The following FRMD4A variants were observed in gnomAD, a reference collection of about 807,000 sequenced individuals.
The protein encoded by FRMD4A is FERM domain-containing protein 4A.
In FRMD4A, 29 loss-of-function variants were observed where a neutral mutation model predicts 129.1. That is an observed-to-expected ratio of 0.22 (90% CI 0.17 to 0.31). The LOEUF is 0.31. Among genes scored for constraint, FRMD4A ranks in the 10% least tolerant of loss-of-function variants. The probability of loss-of-function intolerance (pLI) is 1.00; values close to 1 mark genes in which losing one functional copy is unlikely to be tolerated. For missense variants in FRMD4A, 1,272 were observed against 1,375.8 expected (o/e 0.92, Z 1.19); for synonymous variants, 634 against 571.6 (o/e 1.11, Z -1.56).
At chr10:14,024,604 T>C (rs1482386470) in intron 2 of FRMD4A, among the ~76,000 whole-genome samples, 1 of 152,186 alleles carries the variant, frequency 6.6e-6, no homozygotes, top group Middle Eastern at 3.2e-3. Context: ...AGCCAGAAAC[T>C]GTACAAGGAT....
chr10:13,954,501 C>T (rs149719808), intron 2 of FRMD4A, among the ~76,000 whole-genome samples: 57 of 152,318 alleles, frequency 3.7e-4, no homozygotes, highest in Non-Finnish European at 6.2e-4. Context: ...CCGGGTCTCT[C>T]TCATGACACA....
intron 12 of FRMD4A, among the ~76,000 whole-genome samples, chr10:13,721,961 G>A (rs2089449734): frequency 6.6e-6 from 1 of 152,190 alleles, no homozygotes; most frequent in Non-Finnish European, 1.5e-5. Context: ...CAAACGTGAG[G>A]ACGGAGAGAG....
chr10:14,330,375 C>T (rs1312476346), intron 1 of FRMD4A, among the ~76,000 whole-genome samples, 192 bp from the exon 2 acceptor site: 1 of 151,942 alleles, frequency 6.6e-6, no homozygotes, highest in African/African-American at 2.4e-5. Flanking sequence ...TCCCTAGCTT[C>T]GCAAAGCGGC....
chr10:14,010,429 T>G (rs2095677398), intron 2 of FRMD4A, among the ~76,000 whole-genome samples: 1 of 151,968 alleles, frequency 6.6e-6, no homozygotes, highest in Non-Finnish European at 1.5e-5. Flanking sequence ...CACATCTGAG[T>G]CTCACACATT....
intron 2 of FRMD4A, among the ~76,000 whole-genome samples, chr10:14,194,700 T>C (rs1173809404): frequency 6.6e-6 from 1 of 152,196 alleles, no homozygotes; most frequent in Non-Finnish European, 1.5e-5. Flanking sequence ...AGGATAAACT[T>C]TCTGGAATCT....
intron 3 of FRMD4A, among the ~76,000 whole-genome samples, chr10:13,829,197 CAGG>C (rs1239934008): frequency 6.6e-6 from 1 of 152,180 alleles, no homozygotes; most frequent in Non-Finnish European, 1.5e-5. Flanking sequence ...AGGATTTTAG[CAGG>C]AGAAGCTTTC....
intron 2 of FRMD4A, among the ~76,000 whole-genome samples, chr10:14,128,008 CTTT>C (rs879725623): frequency 0.015 from 1,769 of 116,234 alleles, 134 homozygotes; most frequent in African/African-American, 0.037. Context: ...CTCTTTCTTT[CTTT>C]CTTCCTTCCT....
At chr10:13,652,950 G>A (rs1177982640) in intron 23 of FRMD4A, 1 of 151,900 alleles carries the variant, frequency 6.6e-6, no homozygotes, top group Non-Finnish European at 1.5e-5. Flanking sequence ...GAAAGACAGG[G>A]TTTGGGGTCA....
chr10:13,800,942 G>C (rs1328407983), intron 4 of FRMD4A, among the ~76,000 whole-genome samples: 1 of 152,154 alleles, frequency 6.6e-6, no homozygotes, highest in East Asian at 1.9e-4. Context: ...CAATTAAATA[G>C]ACTAGAAAGG....
chr10:13,736,476 C>A (rs928118080), intron 12 of FRMD4A, among the ~76,000 whole-genome samples: 3 of 152,356 alleles, frequency 2.0e-5, no homozygotes, highest in African/African-American at 7.2e-5. Context: ...GAATTGTTCT[C>A]AGTCAATAAT....
At position 13,685,537 on chromosome 10, in the gene FRMD4A, G is replaced by A. The variant is rs78042418; in HGVS notation, c.1117+8361C>T. The A allele has an allele frequency of 7.6e-4, 747 of 984,930 alleles. 6 individuals carry two copies. In the African/African-American group the frequency reaches 0.011, roughly 15 times the overall value. The allele number at this position is 984,930 out of a possible 1,614,324, so 61.0% of individuals were successfully genotyped here. Reference sequence around the variant, plus strand: ...CTTGTTAGGCTATTGCAATACCAACGTTTGCAGGTTAACTGTGAATTTCAG... The same window carrying A: ...CTTGTTAGGCTATTGCAATACCAACATTTGCAGGTTAACTGTGAATTTCAG... On this transcript the variant is annotated intron_variant, in intron 15 of 24. Coordinates refer to ENST00000357447, the MANE Select transcript of FRMD4A (RefSeq NM_018027.5).
intron 4 of FRMD4A, among the ~76,000 whole-genome samples, chr10:13,804,701 C>T (rs998127853): frequency 2.7e-5 from 4 of 146,802 alleles, no homozygotes; most frequent in African/African-American, 1.0e-4. Flanking sequence ...GCTGCCACCA[C>T]ACCCAGCTAA....
At chr10:14,272,658 A>C (rs1024652121) in intron 2 of FRMD4A, among the ~76,000 whole-genome samples, 6 of 152,230 alleles carry the variant, frequency 3.9e-5, no homozygotes, top group Non-Finnish European at 7.3e-5. Flanking sequence ...TACAGGAAGC[A>C]TAACAACCTA....
chr10:14,052,786 A>T (rs967793129), intron 2 of FRMD4A, among the ~76,000 whole-genome samples: 22 of 151,184 alleles, frequency 1.5e-4, no homozygotes, highest in Admixed American at 1.4e-3. Context: ...CTGGTCTTGA[A>T]CTCCTGACCT....
intron 3 of FRMD4A, among the ~76,000 whole-genome samples, chr10:13,854,497 T>C (rs940130670): frequency 2.0e-5 from 3 of 152,044 alleles, no homozygotes; most frequent in African/African-American, 7.2e-5. Flanking sequence ...CTTGGCTCAC[T>C]GCAACCTCCG....
intron 3 of FRMD4A, among the ~76,000 whole-genome samples, chr10:13,834,803 C>T (rs1420215744): frequency 2.6e-5 from 4 of 152,228 alleles, no homozygotes; most frequent in East Asian, 3.9e-4. Context: ...TTTAAATGAG[C>T]GAGAGACAGA....
rs2083848356 is a variant in FRMD4A at position 13,674,950 on chromosome 10, C to A, written c.1212G>T (p.Gln404His). 6.2e-7 allele frequency: 1 copy of A among 1,614,198 alleles called. No homozygotes were observed. The highest frequency in any genetic ancestry group is 1.3e-5 in the African/African-American group (1 of 75,066). ...ACAGCTTCTTCAGTTCCTCCAGCCTCTGACGCAGGGTTTCCTCCAGAGCTT... is the reference window on the plus strand; with the variant it reads ...ACAGCTTCTTCAGTTCCTCCAGCCTATGACGCAGGGTTTCCTCCAGAGCTT... ...RQEALEETLR[Q>H]RLEELKKLCL... Residue 404 changes from glutamine (Q) to histidine (H), a missense_variant, in exon 16 of 25, where the codon CAG (glutamine) becomes CAT (histidine). This residue lies in a region of FRMD4A where 972 missense variants were observed against 892.3 expected (regional missense o/e 1.09). Transcript: ENST00000357447.
intron 2 of FRMD4A, among the ~76,000 whole-genome samples, chr10:14,075,828 CTGA>C (rs1176761385): frequency 6.6e-6 from 1 of 152,108 alleles, no homozygotes; most frequent in Non-Finnish European, 1.5e-5. Context: ...CAAACCACAT[CTGA>C]TGATATTTCT....
intron 2 of FRMD4A, among the ~76,000 whole-genome samples, chr10:14,271,601 G>A (rs933302343): frequency 1.6e-4 from 24 of 152,328 alleles, no homozygotes; most frequent in African/African-American, 3.1e-4. Flanking sequence ...AAGAAATGCT[G>A]TTGAGTGGAA....
Sources: allele counts gnomAD v4.1 joint callset (sites outside exome capture counted in the v4.1 genomes callset), GRCh38; gene constraint gnomAD v4.1.1; regional missense constraint gnomAD v4.1.1; transcripts MANE v1.5; gene names NCBI Gene and HGNC (gene_info 2026-07-23, HGNC 2026-07-21).